SH3D19: variants seen among roughly 807,000 people sequenced by gnomAD.
SH3D19 encodes SH3 domain-containing protein 19.
A neutral mutation model predicts 112.1 loss-of-function variants in SH3D19; 58 were observed. The observed-to-expected ratio is 0.52, with a 90% CI of 0.42 to 0.64. The LOEUF (loss-of-function observed/expected upper bound fraction) is 0.64. Ranked by LOEUF, SH3D19 falls within the 30% of genes least tolerant of loss-of-function variation. The pLI, the probability that SH3D19 is intolerant of heterozygous loss-of-function variation, is 0.00. For synonymous variants in SH3D19, 391 were observed against 448.5 expected (o/e 0.87, Z 1.62); for missense variants, 1,090 against 1,263.4 (o/e 0.86, Z 2.08).
intron 9 of SH3D19, among the ~76,000 whole-genome samples, chr4:151,152,216 T>A (rs540107601): frequency 1.3e-5 from 2 of 152,218 alleles, no homozygotes; most frequent in East Asian, 3.8e-4. Flanking sequence ...TTTGCTCAAG[T>A]CTGGGTTTAT....
chr4:151,254,876 C>T (rs1054770483), intron 1 of SH3D19, among the ~76,000 whole-genome samples: 1 of 151,876 alleles, frequency 6.6e-6, no homozygotes, highest in African/African-American at 2.4e-5. Flanking sequence ...CAGAGGGCTC[C>T]TCACTTCCCA....
At chr4:151,245,410 C>T (rs1044075274) in intron 1 of SH3D19, among the ~76,000 whole-genome samples, 3 of 152,090 alleles carry the variant, frequency 2.0e-5, no homozygotes, top group Non-Finnish European at 2.9e-5. Flanking sequence ...CCCTTAGCAG[C>T]GTGAAGCCTG....
chr4:151,261,580 C>G (rs893794799), intron 1 of SH3D19: 11 of 152,242 alleles, frequency 7.2e-5, no homozygotes, highest in Admixed American at 4.6e-4. Context: ...CTAACTTCTT[C>G]GACTGACATT....
chr4:151,276,243 C>T (rs773265335), intron 1 of SH3D19, among the ~76,000 whole-genome samples: 2 of 152,234 alleles, frequency 1.3e-5, no homozygotes, highest in Non-Finnish European at 2.9e-5. Context: ...TCTGCCTCCA[C>T]AGACCTAGCA....
chr4:151,142,898 T>C (rs1170598151), intron 12 of SH3D19, among the ~76,000 whole-genome samples: 1 of 152,114 alleles, frequency 6.6e-6, no homozygotes, highest in Non-Finnish European at 1.5e-5. Context: ...TAGTAAAAGA[T>C]GAGAAGGTGG....
At chr4:151,312,720 A>G (rs1050781401) in intron 1 of SH3D19, among the ~76,000 whole-genome samples, 1 of 151,880 alleles carries the variant, frequency 6.6e-6, no homozygotes, top group Non-Finnish European at 1.5e-5. Context: ...CCAACATGGA[A>G]GAACCCCGTC....
chr4:151,155,842 T>G (rs1235279076), intron 9 of SH3D19, among the ~76,000 whole-genome samples: 3 of 152,128 alleles, frequency 2.0e-5, no homozygotes, highest in Non-Finnish European at 4.4e-5. Flanking sequence ...TGAGCCGAAA[T>G]CGTGCCACTG....
intron 1 of SH3D19, among the ~76,000 whole-genome samples, chr4:151,301,353 G>C (rs1451898102): frequency 6.6e-6 from 1 of 152,190 alleles, no homozygotes; most frequent in Non-Finnish European, 1.5e-5. Context: ...TCAGCCTCCT[G>C]AGTAGCTGGG....
intron 1 of SH3D19, among the ~76,000 whole-genome samples, chr4:151,289,327 T>A (rs2150017067): frequency 6.6e-6 from 1 of 152,292 alleles, no homozygotes; most frequent in Non-Finnish European, 1.5e-5. Flanking sequence ...TTAGGCAACA[T>A]TTTCTTAGAT....
At chr4:151,314,868 A>G (rs550058132) in intron 1 of SH3D19, among the ~76,000 whole-genome samples, 5 of 152,294 alleles carry the variant, frequency 3.3e-5, no homozygotes, top group Non-Finnish European at 7.4e-5. Flanking sequence ...ACTGTGAGCT[A>G]CACAGCCTTG....
intron 6 of SH3D19, among the ~76,000 whole-genome samples, 176 bp downstream of exon 6, chr4:151,176,358 T>A (rs1759964714): frequency 6.6e-6 from 1 of 152,208 alleles, no homozygotes; most frequent in Admixed American, 6.5e-5. Flanking sequence ...GTAAGAATGA[T>A]CTATTATAAT....
intron 1 of SH3D19, among the ~76,000 whole-genome samples, chr4:151,246,043 A>C (rs1294989359): frequency 7.9e-6 from 1 of 125,914 alleles, no homozygotes; most frequent in South Asian, 2.4e-4. Flanking sequence ...AAGACATACA[A>C]AAAAAAAAAA....
intron 1 of SH3D19, among the ~76,000 whole-genome samples, chr4:151,229,879 C>T (rs751146305): frequency 6.6e-6 from 1 of 152,174 alleles, no homozygotes; most frequent in Non-Finnish European, 1.5e-5. Flanking sequence ...CACGCCACTG[C>T]ATTCCAGCCT....
chr4:151,286,231 A>G (rs1457612264), intron 1 of SH3D19, among the ~76,000 whole-genome samples: 5 of 150,838 alleles, frequency 3.3e-5, no homozygotes, highest in Non-Finnish European at 5.9e-5. Context: ...AAATACAAAG[A>G]AGGAAATAAG....
At chr4:151,291,283 G>T in intron 1 of SH3D19, 1 of 1,613,990 alleles carries the variant, frequency 6.2e-7, no homozygotes, top group Non-Finnish European at 8.5e-7. Context: ...CAACAATCTA[G>T]ACTTCTCTGA....
At chr4:151,153,952 T>TAGTA (rs1561242712) in intron 9 of SH3D19, among the ~76,000 whole-genome samples, 1 of 151,646 alleles carries the variant, frequency 6.6e-6, no homozygotes, top group Non-Finnish European at 1.5e-5. Context: ...AACATAATAA[T>TAGTA]ACTATTTCTT....
chr4:151,165,876 T>C (rs893759495), intron 7 of SH3D19, 180 bp from the exon 8 acceptor site: 4 of 564,040 alleles, frequency 7.1e-6, no homozygotes, highest in African/African-American at 1.9e-5. Flanking sequence ...AATAACTTAG[T>C]GTTCTGTAAA....
At position 151,325,356 on chromosome 4, in the gene SH3D19, C is replaced by A; in HGVS notation, c.-4G>T. The A allele has an allele frequency of 8.3e-7, 1 of 1,206,848 alleles. No individual in the cohort carries two copies. Among genetic ancestry groups the A allele is most frequent in the African/African-American group, 1.6e-5 (1 of 63,482 alleles). 74.8% of individuals were successfully genotyped at this position (1,206,848 alleles called of 1,614,324 possible). ...CCCGCCGCCGGCCCTCAGCCATGGG[C>A]GAGGCGCGGGGCGCAGCCGCGGGAT... is the stretch of plus-strand genomic sequence containing the variant. On this transcript the variant is annotated 5_prime_UTR_variant, in exon 1 of 20. Transcript: ENST00000604030.
chr4:151,269,215 G>GT (rs1773047929), intron 1 of SH3D19, among the ~76,000 whole-genome samples: 1 of 152,110 alleles, frequency 6.6e-6, no homozygotes, highest in South Asian at 2.1e-4. Context: ...TTTTTCATGT[G>GT]TTTTTTGGCT....
Sources: allele counts gnomAD v4.1 joint callset (sites outside exome capture counted in the v4.1 genomes callset), GRCh38; gene constraint gnomAD v4.1.1; transcripts MANE v1.5; gene names NCBI Gene and HGNC (gene_info 2026-07-23, HGNC 2026-07-21).